Variants in DCC observed in about 807,000 individuals in gnomAD.
DCC encodes netrin receptor DCC.
Under a neutral mutation model 172.5 loss-of-function variants are expected in DCC, and 58 were observed. The ratio of observed to expected loss-of-function variants is 0.34; its 90% confidence interval spans 0.27 to 0.42. The LOEUF is 0.42. DCC is among the 10% of genes least tolerant of loss of function. DCC has a pLI of 1.00. For synonymous variants in DCC, 709 were observed against 644.5 expected, an observed-to-expected ratio of 1.10 and a Z score of -1.52; for missense variants, 1,740 against 1,791.0, an observed-to-expected ratio of 0.97 and a Z score of 0.51.
At chr18:52,476,605 TGTG>T (rs1989101223) in intron 1 of DCC, among the ~76,000 whole-genome samples, 1 of 152,204 alleles carries the variant, frequency 6.6e-6, no homozygotes, top group Non-Finnish European at 1.5e-5. Context: ...TACAAATTAA[TGTG>T]GTGTCTCTAA....
chr18:53,034,603 C>G (rs1041362751), intron 5 of DCC, among the ~76,000 whole-genome samples: 2 of 151,982 alleles, frequency 1.3e-5, no homozygotes, highest in Admixed American at 6.6e-5. Flanking sequence ...AGCTGATCTC[C>G]TTATTTTTAT....
chr18:53,298,211 T>C (rs1279328760), intron 12 of DCC, among the ~76,000 whole-genome samples: 2 of 152,004 alleles, frequency 1.3e-5, no homozygotes, highest in African/African-American at 4.8e-5. Flanking sequence ...TGTTCTCTCT[T>C]TTTCAGTATG....
rs997700862 is a variant in DCC, at chr18:52,430,048, A to G, written c.91+89170A>G. Among the ~76,000 whole-genome samples, 11 of 152,168 alleles carry G rather than the reference A, an allele frequency of 7.2e-5. No individual in the cohort carries two copies. The East Asian group carries it at 9.6e-4, about 13-fold the overall frequency. ...AGCAGATTTTAGCAGAGAATAAAGT[A>G]TATGCAAAATATTTGTGGAAGAGAA... On this transcript the variant is annotated intron_variant, in intron 1 of 28. Transcript: ENST00000442544.
intron 1 of DCC, among the ~76,000 whole-genome samples, chr18:52,615,143 T>G (rs1406739457): frequency 1.3e-5 from 2 of 152,190 alleles, no homozygotes; most frequent in Non-Finnish European, 2.9e-5. Context: ...AAGCATCATT[T>G]TCCTGAGATG....
intron 5 of DCC, among the ~76,000 whole-genome samples, chr18:53,033,183 A>G (rs1028202990): frequency 1.3e-5 from 2 of 152,106 alleles, no homozygotes; most frequent in African/African-American, 4.8e-5. Context: ...AAGGAACTCA[A>G]CTGGCAAAAC....
intron 1 of DCC, among the ~76,000 whole-genome samples, chr18:52,715,714 T>G (rs987068768): frequency 6.6e-6 from 1 of 152,132 alleles, no homozygotes; most frequent in African/African-American, 2.4e-5. Flanking sequence ...TAGGCCAGTA[T>G]GTTGGCTGTG....
intron 12 of DCC, among the ~76,000 whole-genome samples, chr18:53,226,275 G>A (rs2056026522): frequency 1.3e-5 from 2 of 152,144 alleles, no homozygotes; most frequent in African/African-American, 2.4e-5. Flanking sequence ...ACAAAGGTAA[G>A]GTCTAGATCA....
chr18:53,112,272 T>C (rs2043344441), intron 7 of DCC, among the ~76,000 whole-genome samples: 1 of 151,542 alleles, frequency 6.6e-6, no homozygotes. Flanking sequence ...CAGTCTCTTC[T>C]TATAATACTA....
intron 12 of DCC, among the ~76,000 whole-genome samples, chr18:53,221,336 C>T (rs191519326): frequency 9.9e-5 from 15 of 152,168 alleles, no homozygotes; most frequent in Admixed American, 2.6e-4. Context: ...TTTCCCCACA[C>T]AGTCATAGAT....
intron 19 of DCC, among the ~76,000 whole-genome samples, chr18:53,406,044 A>C (rs1190166319): frequency 1.3e-5 from 2 of 152,204 alleles, no homozygotes; most frequent in Non-Finnish European, 2.9e-5. Context: ...CAAGTGACTT[A>C]TTGTATAGCC....
rs578232396 is a variant in DCC, at chr18:52,511,784, A to G, written c.91+170906A>G. ...CACAGATATTAAACAATTTATTTAA[A>G]GTATTAGGACTAATTAGAAATGTGA... is the stretch of plus-strand genomic sequence containing the variant. On this transcript the variant is annotated intron_variant, in intron 1 of 28. Transcript: ENST00000442544. Among the ~76,000 whole-genome samples, 5 of 152,356 alleles carry G rather than the reference A, an allele frequency of 3.3e-5. No homozygotes were observed. The East Asian group carries it at 9.6e-4, about 29-fold the overall frequency.
At chr18:53,346,169 A>G (rs1012755915) in intron 15 of DCC, among the ~76,000 whole-genome samples, 6 of 151,998 alleles carry the variant, frequency 3.9e-5, no homozygotes, top group Admixed American at 3.9e-4. Flanking sequence ...AAATGTTGTT[A>G]ACCTGTAGTA....
intron 1 of DCC, among the ~76,000 whole-genome samples, chr18:52,484,095 A>C (rs1226524847): frequency 1.3e-5 from 2 of 152,116 alleles, no homozygotes; most frequent in Non-Finnish European, 1.5e-5. Context: ...CCTTAAACTT[A>C]TGTGAATGGG....
chr18:53,366,917 T>C (rs2058011761), intron 15 of DCC, among the ~76,000 whole-genome samples: 1 of 152,184 alleles, frequency 6.6e-6, no homozygotes, highest in Admixed American at 6.5e-5. Flanking sequence ...CACCCAGAGA[T>C]GGAAGCCACA....
At chr18:53,263,593 A>G (rs867827153) in intron 12 of DCC, among the ~76,000 whole-genome samples, 46 of 152,228 alleles carry the variant, frequency 3.0e-4, no homozygotes, top group African/African-American at 1.1e-3. Flanking sequence ...AAACATTATT[A>G]ATGGTGCATC....
intron 27 of DCC, among the ~76,000 whole-genome samples, chr18:53,512,168 G>A (rs2046264594): frequency 6.7e-6 from 1 of 149,010 alleles, no homozygotes; most frequent in African/African-American, 2.5e-5. Context: ...CCCCCCAGCA[G>A]CCTAACTGGG....
chr18:52,969,184 C>T (rs977648249), intron 5 of DCC, among the ~76,000 whole-genome samples: 3 of 152,144 alleles, frequency 2.0e-5, no homozygotes, highest in African/African-American at 7.2e-5. Context: ...TCACCTATGA[C>T]TTCCAAATCT....
In DCC at chr18:53,468,363, T is replaced by TTTATTTA. The variant is rs1555675962; in HGVS notation, c.3736+355_3736+356insATTTATT. Among the ~76,000 whole-genome samples, 23 of 54,724 alleles carry TTTATTTA rather than the reference T, an allele frequency of 4.2e-4. 1 individual carries two copies. Among genetic ancestry groups the TTTATTTA allele is most frequent in the Admixed American group, 1.6e-3 (7 of 4,516 alleles). 35.9% of individuals were successfully genotyped at this position (54,724 alleles called of 152,430 possible). On this transcript the variant is annotated intron_variant, in intron 25 of 28. Transcript: ENST00000442544. ...TTATTTTTATTTATTTATTTATTTATTTTATTTATTTATTTATTTTATTTA... is the reference window on the plus strand; with the variant it reads ...TTATTTTTATTTATTTATTTATTTATTTATTTATTTATTTATTTATTTATTTTATTTA...
intron 15 of DCC, among the ~76,000 whole-genome samples, chr18:53,367,809 A>T (rs1014389739): frequency 6.6e-6 from 1 of 152,186 alleles, no homozygotes; most frequent in East Asian, 1.9e-4. Flanking sequence ...TTCACTTAGC[A>T]TAAGGGCCTG....
Sources: allele counts gnomAD v4.1 joint callset (sites outside exome capture counted in the v4.1 genomes callset), GRCh38; gene constraint gnomAD v4.1.1; transcripts MANE v1.5; gene names NCBI Gene and HGNC (gene_info 2026-07-23, HGNC 2026-07-21).